Variants in STN1 observed in about 807,000 individuals in gnomAD.
The protein encoded by STN1 is CST complex subunit STN1.
STN1 carries 29 observed loss-of-function variants against 45.5 expected under a neutral mutation model. That is an observed-to-expected ratio of 0.64 (90% CI 0.47 to 0.87). The LOEUF (loss-of-function observed/expected upper bound fraction) is 0.87. STN1 is among the 40% of genes least tolerant of loss of function. The pLI is 0.00. For synonymous variants in STN1, 148 were observed against 159.0 expected (o/e 0.93, Z 0.52); for missense variants, 376 against 441.4 (o/e 0.85, Z 1.33).
At chr10:103,908,285 A>AG (rs34685262) in intron 3 of STN1, among the ~76,000 whole-genome samples, 128,782 of 152,162 alleles carry the variant, frequency 0.85, 55,420 homozygotes, top group East Asian at 1. Flanking sequence ...CGGACTTCCC[A>AG]GTTTGTGACC....
chr10:103,897,535 A>G lies in STN1; in HGVS notation c.753+13T>C, dbSNP rs201809576. ...AGGGAACCAGAATTCTCACATGGGC[A>G]TGCTGCACTCACTTGGTCGGAGGAG... On this transcript the variant is annotated intron_variant, in intron 7 of 9. Transcript: ENST00000224950. 71 of 1,613,138 alleles carry G rather than the reference A, an allele frequency of 4.4e-5. No individual in the cohort carries two copies. The African/African-American group carries it at 9.2e-4, about 21-fold the overall frequency.
chr10:103,909,408 G>GTA lies in STN1; in HGVS notation c.229+1117_229+1118dup, dbSNP rs1219021440. On this transcript the variant is annotated intron_variant, in intron 3 of 9. Coordinates refer to ENST00000224950, the MANE Select transcript of STN1 (RefSeq NM_024928.5). Reference sequence around the variant, plus strand: ...TATATATGTATATATGTATATATATGTATATATGTATATATGTATATATAT... The same window carrying GTA: ...TATATATGTATATATGTATATATATGTATATATATGTATATATGTATATATAT... 3.3e-3 allele frequency among the ~76,000 whole-genome samples: 156 copies of GTA among 46,584 alleles called. 5 individuals carry two copies. Among genetic ancestry groups the GTA allele is most frequent in the South Asian group, 0.011 (13 of 1,204 alleles). The allele number at this position is 46,584 out of a possible 152,430, so 30.6% of individuals were successfully genotyped here.
At chr10:103,888,425 C>CTTTA (rs1843117601) in intron 9 of STN1, among the ~76,000 whole-genome samples, 1 of 152,088 alleles carries the variant, frequency 6.6e-6, no homozygotes, top group Admixed American at 6.5e-5. Context: ...GCTTCCTTCT[C>CTTTA]TAACTAGTGT....
rs923943347 is a variant in STN1 at position 103,882,457 on chromosome 10, G to A, written c.*227C>T. The A allele has an allele frequency of 2.1e-6, 1 of 472,376 alleles. No homozygotes were observed. The highest frequency in any genetic ancestry group is 1.9e-5 in the African/African-American group (1 of 51,318). 29.3% of individuals were successfully genotyped at this position (472,376 alleles called of 1,614,324 possible). On this transcript the variant is annotated 3_prime_UTR_variant, in exon 10 of 10. Coordinates refer to ENST00000224950, the MANE Select transcript of STN1 (RefSeq NM_024928.5). ...GGAGCTCAACAGGGAGGGTTTTCTT[G>A]TTGTGTCATGGCTGAGATCAAAGTC...
Position 103,917,117 on chromosome 10 carries a change from A to T in STN1, c.133+345T>A, listed in dbSNP as rs1843337897. On this transcript the variant is annotated intron_variant, in intron 2 of 9. Coordinates refer to ENST00000224950, the MANE Select transcript of STN1 (RefSeq NM_024928.5). ...AGGTAAGTGGCACATTTAGGAAAGG[A>T]GCCAGGCCTAGGAATATCTGGCCCA... 2.6e-5 allele frequency among the ~76,000 whole-genome samples: 4 copies of T among 152,016 alleles called. No homozygotes were observed. In the South Asian group the frequency reaches 6.2e-4, roughly 24 times the overall value.
At chr10:103,902,857 T>C (rs1319048006) in intron 4 of STN1, among the ~76,000 whole-genome samples, 1 of 152,224 alleles carries the variant, frequency 6.6e-6, no homozygotes, top group East Asian at 1.9e-4. Flanking sequence ...GGTTTTCTCC[T>C]TCTACTCTTA....
chr10:103,912,426 C>T (rs1843298005), intron 2 of STN1, among the ~76,000 whole-genome samples: 1 of 152,190 alleles, frequency 6.6e-6, no homozygotes, highest in Admixed American at 6.5e-5. Flanking sequence ...TTGATGAGAT[C>T]TTCAGTCCCC....
At chr10:103,914,392 T>G (rs1476917311) in intron 2 of STN1, among the ~76,000 whole-genome samples, 64 of 139,336 alleles carry the variant, frequency 4.6e-4, no homozygotes, top group African/African-American at 1.6e-3. Context: ...TTTTTTTTTT[T>G]GAGACAGGGT....
rs114329716 is a variant in STN1, at chr10:103,913,894, A to G, written c.134-3272T>C. 1.5e-3 allele frequency among the ~76,000 whole-genome samples: 235 copies of G among 152,166 alleles called. 1 individual carries two copies. The highest frequency in any genetic ancestry group is 5.6e-3 in the African/African-American group (234 of 41,522). On this transcript the variant is annotated intron_variant, in intron 2 of 9. Coordinates refer to ENST00000224950, the MANE Select transcript of STN1 (RefSeq NM_024928.5). Reference sequence around the variant, plus strand: ...CTAAAAGCATCAGAGGACCCCCTGGATCATCAGGCCCCCAAGAAGGAGGAG... The same window carrying G: ...CTAAAAGCATCAGAGGACCCCCTGGGTCATCAGGCCCCCAAGAAGGAGGAG...
At chr10:103,886,814 G>C (rs1296254196) in intron 9 of STN1, among the ~76,000 whole-genome samples, 2 of 152,126 alleles carry the variant, frequency 1.3e-5, no homozygotes, top group Non-Finnish European at 2.9e-5. Flanking sequence ...TCCCCACTTT[G>C]CATTTAAAGA....
In STN1 at chr10:103,909,498, A is replaced by G. The variant is rs569067657; in HGVS notation, c.229+1029T>C. Among the ~76,000 whole-genome samples the G allele has an allele frequency of 3.6e-4, 24 of 67,070 alleles. 5 individuals are homozygous for G. The highest frequency in any genetic ancestry group is 1.4e-3 in the African/African-American group (24 of 16,678). 44.0% of individuals were successfully genotyped at this position (67,070 alleles called of 152,430 possible). On this transcript the variant is annotated intron_variant, in intron 3 of 9. Transcript: ENST00000224950. The stretch of plus-strand genomic sequence containing the variant: ...TATATGTATATATATGTGTGTGTGT[A>G]TATGTATATATGTATATATGTATAT...
intron 3 of STN1, among the ~76,000 whole-genome samples, chr10:103,909,416 GTATATATGTA>G (rs1469429629): frequency 0.09 from 4,090 of 45,390 alleles, 592 homozygotes; most frequent in African/African-American, 0.23. Flanking sequence ...ATGTATATAT[GTATATATGTA>G]TATATATGTA....
chr10:103,897,824 G>A (rs988081766), intron 6 of STN1, 105 bp from the exon 7 acceptor site: 6 of 1,156,412 alleles, frequency 5.2e-6, no homozygotes, highest in Admixed American at 2.3e-5. Flanking sequence ...CACTATATTG[G>A]AGTTTGTTTT....
chr10:103,886,548 A>T (rs181677126), intron 9 of STN1, among the ~76,000 whole-genome samples: 1 of 152,316 alleles, frequency 6.6e-6, no homozygotes, highest in Admixed American at 6.5e-5. Flanking sequence ...TTACTCCAAC[A>T]ATAATACAGC....
chr10:103,907,432 A>G (rs1419454039), intron 3 of STN1, among the ~76,000 whole-genome samples: 2 of 152,260 alleles, frequency 1.3e-5, no homozygotes, highest in Non-Finnish European at 2.9e-5. Context: ...AAATACTAAG[A>G]GCAGTTTCTC....
rs1229493987 is a variant in STN1, at chr10:103,882,455, T to C, written c.*229A>G. 5 of 471,466 alleles carry C rather than the reference T, an allele frequency of 1.1e-5. No homozygotes were observed. Among genetic ancestry groups the C allele is most frequent in the Non-Finnish European group, 1.9e-5 (5 of 266,890 alleles). The allele number at this position is 471,466 out of a possible 1,614,324, so 29.2% of individuals were successfully genotyped here. A position where few individuals can be genotyped will look rare whatever the true frequency, so the allele number is the denominator to read the frequency against. On this transcript the variant is annotated 3_prime_UTR_variant, in exon 10 of 10. Coordinates refer to ENST00000224950, the MANE Select transcript of STN1 (RefSeq NM_024928.5). ...CAGGAGCTCAACAGGGAGGGTTTTC[T>C]TGTTGTGTCATGGCTGAGATCAAAG...
At chr10:103,892,088 T>A in intron 8 of STN1, 42 bp downstream of exon 8, 1 of 1,448,002 alleles carries the variant, frequency 6.9e-7, no homozygotes, top group Non-Finnish European at 9.4e-7. Flanking sequence ...ATATTTGTAA[T>A]TGAAGCTACA....
rs867002973 is a variant in STN1 at position 103,895,829 on chromosome 10, T to C, written c.753+1719A>G. 4.6e-5 allele frequency among the ~76,000 whole-genome samples: 7 copies of C among 152,274 alleles called. No homozygotes were observed. The Middle Eastern group carries it at 0.014, about 296-fold the overall frequency. On this transcript the variant is annotated intron_variant, in intron 7 of 9. Coordinates refer to ENST00000224950, the MANE Select transcript of STN1 (RefSeq NM_024928.5). ...GGTGATGGCAAGAGATCAGAAAACA[T>C]CTAAACAGTCCAGGAATGGACAGAC... is the stretch of plus-strand genomic sequence containing the variant.
At chr10:103,906,166 T>C (rs1016108075) in intron 3 of STN1, among the ~76,000 whole-genome samples, 1 of 152,222 alleles carries the variant, frequency 6.6e-6, no homozygotes, top group Admixed American at 6.5e-5. Flanking sequence ...TTATTAAATA[T>C]AAAAAAGGTA....
Sources: gnomAD v4.1 joint callset for allele counts (sites outside exome capture counted in the v4.1 genomes callset) on GRCh38, gnomAD v4.1.1 for gene constraint, MANE v1.5 for transcripts, NCBI Gene and HGNC (gene_info 2026-07-23, HGNC 2026-07-21) for gene names.